The following CDHR4 variants were observed in gnomAD, a reference collection of about 807,000 sequenced individuals.
The protein encoded by CDHR4 is cadherin-related family member 4.
A neutral mutation model predicts 88.4 loss-of-function variants in CDHR4; 89 were observed. That is an observed-to-expected ratio of 1.01 (90% CI 0.85 to 1.20). CDHR4 has a LOEUF of 1.20. CDHR4 is among the 50% of genes most tolerant of loss of function. The pLI, the probability that CDHR4 is intolerant of heterozygous loss-of-function variation, is 0.00. For synonymous variants in CDHR4, 368 were observed against 399.2 expected (o/e 0.92, Z 0.93); for missense variants, 914 against 1,007.2 (o/e 0.91, Z 1.25).
chr3:49,799,243 C>CATGTG lies in CDHR4; in HGVS notation c.240+3_240+4insCACAT. The CATGTG allele has an allele frequency of 6.2e-7, 1 of 1,613,306 alleles. No individual in the cohort carries two copies. The highest frequency in any genetic ancestry group is 1.1e-5 in the South Asian group (1 of 90,994). On this transcript the variant is annotated splice_donor_region_variant and intron_variant, in intron 2 of 18. Coordinates refer to ENST00000412678, the MANE Select transcript of CDHR4 (RefSeq NM_001007540.4). ...ACAGTCCCCAGCTGTACACATGACC[C>CATGTG]TACCTTGCCCACATAGGTCCCTTGC...
upstream of CDHR4, among the ~76,000 whole-genome samples, chr3:49,801,062 A>C (rs999060532): frequency 5.9e-5 from 9 of 151,526 alleles, no homozygotes; most frequent in East Asian, 1.9e-4. Flanking sequence ...AAAAAAAAAA[A>C]CAAAAACGGT....
chr3:49,793,981 C>A lies in CDHR4; in HGVS notation c.1305G>T (p.Val435=). ...MTTEVPVLVM[V]TPINEFSPAC... ...CTGGGGAGAACTCGTTGATGGGTGT[C>A]ACCATCACCAGTACCGGCACCTCAG... Residue 435 remains valine (V), a synonymous_variant, in exon 11 of 19, where the codon GTG becomes GTT. Coordinates refer to ENST00000412678, the MANE Select transcript of CDHR4 (RefSeq NM_001007540.4). The A allele has an allele frequency of 6.4e-7, 1 of 1,551,652 alleles. No homozygotes were observed. The highest frequency in any genetic ancestry group is 1.2e-5 in the South Asian group (1 of 84,058).
chr3:49,800,235 C>G (rs939924547), upstream of CDHR4, among the ~76,000 whole-genome samples: 3 of 152,118 alleles, frequency 2.0e-5, no homozygotes, highest in African/African-American at 7.2e-5. Context: ...AACAAAATCT[C>G]TCAAAACTTG....
chr3:49,793,104 C>T lies in CDHR4; in HGVS notation c.1775-30G>A, dbSNP rs973065185. 5.2e-6 allele frequency: 8 copies of T among 1,551,012 alleles called. No individual in the cohort carries two copies. In the South Asian group the frequency reaches 9.5e-5, roughly 18 times the overall value. On this transcript the variant is annotated intron_variant, in intron 13 of 18. Coordinates refer to ENST00000412678, the MANE Select transcript of CDHR4 (RefSeq NM_001007540.4). ...AAGCAGAATGACAGGAGGAAGAGAC[C>T]ATTGCTGGCCTTGGCCTGCCCCTCA... is the stretch of plus-strand genomic sequence containing the variant.
At position 49,795,077 on chromosome 3, in the gene CDHR4, G is replaced by A. The variant is rs764826105; in HGVS notation, c.1055C>T (p.Pro352Leu). 7.7e-6 allele frequency: 12 copies of A among 1,551,700 alleles called. 1 individual carries two copies. The South Asian group carries it at 1.4e-4, about 18-fold the overall frequency. ...LLVSQIPETA[P>L]VGTVLNTLTC... ...GAGAGTATTCAGCACGGTGCCCACG[G>A]GTGCAGTCTCCGGGATTTGGGACCT... The change falls in exon 9 of 19, where the codon CCC becomes CTC. Residue 352 changes from proline to leucine, a missense_variant. Pro to Leu is a moderately conservative substitution (Grantham distance 98). Transcript: ENST00000412678. This position sits in a 1 kb window ranked among gnomAD's most constrained non-coding sequence, Gnocchi z 5.4.
rs527952384 is a variant in CDHR4, at chr3:49,798,900, C to G, written c.421G>C (p.Val141Leu). ...GCCCCAGGTGTGACTGTCTCTGGCA[C>G]CTGAATCATTTCCCCAGCTGGCCAG... ...FASPAGEMIQ[V>L]PETVTPGARL... The change falls in exon 4 of 19, where the codon GTG becomes CTG. Residue 141 changes from valine to leucine, a missense_variant. Transcript: ENST00000412678. 1.4e-5 allele frequency: 23 copies of G among 1,613,682 alleles called. No individual in the cohort carries two copies. The South Asian group carries it at 2.3e-4, about 16-fold the overall frequency.
chr3:49,791,321 C>T, intron 18 of CDHR4, 120 bp downstream of exon 18: 4 of 1,122,572 alleles, frequency 3.6e-6, no homozygotes, highest in Middle Eastern at 4.2e-4. Flanking sequence ...AGGAAAAAAG[C>T]AGATAGATGG....
intron 12 of CDHR4, 63 bp from the exon 13 acceptor site, chr3:49,793,374 C>T (rs1326654720): frequency 1.3e-6 from 2 of 1,520,496 alleles, no homozygotes; most frequent in East Asian, 4.9e-5. Flanking sequence ...GAGCCAGCCC[C>T]TCAACTTCTT....
chr3:49,797,606 C>T (rs1332170636), intron 4 of CDHR4, among the ~76,000 whole-genome samples: 2 of 152,126 alleles, frequency 1.3e-5, no homozygotes, highest in East Asian at 1.9e-4. Flanking sequence ...CTCAGCCTCC[C>T]GAATAGCTGA....
intron 15 of CDHR4, 139 bp from the exon 16 acceptor site, chr3:49,792,098 C>T: frequency 1.1e-6 from 1 of 900,926 alleles, no homozygotes. Context: ...ATCCCCTTTC[C>T]CTGGGCTCAG....
chr3:49,794,540 C>A, intron 10 of CDHR4, 68 bp downstream of exon 10: 1 of 1,292,378 alleles, frequency 7.7e-7, no homozygotes, highest in South Asian at 1.4e-5. Context: ...TGACCCTGTC[C>A]TGAGCATGGG....
chr3:49,801,640 C>T (rs2081362811), upstream of CDHR4, among the ~76,000 whole-genome samples: 1 of 152,238 alleles, frequency 6.6e-6, no homozygotes, highest in Non-Finnish European at 1.5e-5. Flanking sequence ...TTTCCCAGAT[C>T]AGTTTATGGC....
upstream of CDHR4, among the ~76,000 whole-genome samples, chr3:49,800,915 G>A (rs1358866507): frequency 6.6e-6 from 1 of 151,610 alleles, no homozygotes; most frequent in African/African-American, 2.4e-5. Flanking sequence ...AGCTGAGTGT[G>A]GTGGCACATG....
In CDHR4 at chr3:49,795,867, C is replaced by T. The variant is rs1423386005; in HGVS notation, c.710+76G>A. ...CTCCTGTCAGGGCTGGGACTCAGCTCCAGCAGCCTCACCCTACCTGATTCC... is the reference window on the plus strand; with the variant it reads ...CTCCTGTCAGGGCTGGGACTCAGCTTCAGCAGCCTCACCCTACCTGATTCC... On this transcript the variant is annotated intron_variant, in intron 6 of 18. Transcript: ENST00000412678. This position sits in a 1 kb window ranked among gnomAD's most constrained non-coding sequence, Gnocchi z 5.4. The T allele has an allele frequency of 6.6e-7, 1 of 1,518,710 alleles. No homozygotes were observed. Among genetic ancestry groups the T allele is most frequent in the Non-Finnish European group, 8.9e-7 (1 of 1,127,732 alleles). 94.1% of individuals were successfully genotyped at this position (1,518,710 alleles called of 1,614,324 possible).
intron 4 of CDHR4, 70 bp downstream of exon 4, chr3:49,798,756 G>C: frequency 6.8e-7 from 1 of 1,460,230 alleles, no homozygotes; most frequent in Non-Finnish European, 9.4e-7. Flanking sequence ...CTGGCCAGGT[G>C]GGGGTTAATT....
chr3:49,797,423 C>T lies in CDHR4; in HGVS notation c.496-391G>A, dbSNP rs144654729. Among the ~76,000 whole-genome samples, 23 of 151,728 alleles carry T rather than the reference C, an allele frequency of 1.5e-4. No homozygotes were observed. The East Asian group carries it at 2.9e-3, about 19-fold the overall frequency. ...CCTCCTGAATAGCTGGGATTACATG[C>T]CTGTGCCACCACACCCGGCTAATTT... On this transcript the variant is annotated intron_variant, in intron 4 of 18. Coordinates refer to ENST00000412678, the MANE Select transcript of CDHR4 (RefSeq NM_001007540.4).
In CDHR4 at chr3:49,793,868, G is replaced by C; in HGVS notation, c.1418C>G (p.Pro473Arg). The C allele has an allele frequency of 1.9e-6, 3 of 1,551,782 alleles. No homozygotes were observed. The highest frequency in any genetic ancestry group is 2.6e-6 in the Non-Finnish European group (3 of 1,146,998). ...GSVVGTDMDY[P>R]HDNIEYYTSG... ...GGTGTAGTACTCAATGTTGTCATGA[G>C]GGTAATCCATATCCGTGCCCACCAC... The change falls in exon 11 of 19, where the codon CCT (proline) becomes CGT (arginine). Residue 473 changes from proline to arginine, a missense_variant. Physicochemically the swap from Pro to Arg is moderately radical, Grantham distance 103. Coordinates refer to ENST00000412678, the MANE Select transcript of CDHR4 (RefSeq NM_001007540.4).
At position 49,795,386 on chromosome 3, in the gene CDHR4, G is replaced by T. The variant is rs2081255559; in HGVS notation, c.848-7C>A. 2 of 1,549,318 alleles carry T rather than the reference G, an allele frequency of 1.3e-6. No individual in the cohort carries two copies. Among genetic ancestry groups the T allele is most frequent in the East Asian group, 2.4e-5 (1 of 40,914 alleles). ...GTCCGGACCACACCGTCTGCTGCATGGGGTGAGAGAACACAGAGGTCAGGG... is the reference window on the plus strand; with the variant it reads ...GTCCGGACCACACCGTCTGCTGCATTGGGTGAGAGAACACAGAGGTCAGGG... On this transcript the variant is annotated splice_polypyrimidine_tract_variant and splice_region_variant and intron_variant, in intron 7 of 18. Coordinates refer to ENST00000412678, the MANE Select transcript of CDHR4 (RefSeq NM_001007540.4). The surrounding 1 kb of genome is among the most constrained non-coding windows in gnomAD (Gnocchi z 5.4).
chr3:49,796,088 G>C, intron 5 of CDHR4, 42 bp from the exon 6 acceptor site: 1 of 1,407,956 alleles, frequency 7.1e-7, no homozygotes. Flanking sequence ...GATTGTGTGT[G>C]TCCACCTCTT....
Sources: gnomAD v4.1 joint callset for allele counts (sites outside exome capture counted in the v4.1 genomes callset) on GRCh38, gnomAD v4.1.1 for gene constraint, Gnocchi (gnomAD v3.1) non-coding constraint, MANE v1.5 for transcripts, NCBI Gene and HGNC (gene_info 2026-07-23, HGNC 2026-07-21) for gene names.